Variants in UXS1 observed in about 807,000 individuals in gnomAD.
UXS1 encodes UDP-glucuronate decarboxylase 1.
In UXS1, 33 loss-of-function variants were observed where a neutral mutation model predicts 62.6. The ratio of observed to expected loss-of-function variants is 0.53; its 90% CI spans 0.40 to 0.70. The LOEUF is 0.70. Ranked by LOEUF, UXS1 falls within the 30% of genes least tolerant of loss-of-function variation. The pLI is 0.00. For missense variants in UXS1, 434 were observed against 556.3 expected (o/e 0.78, Z 2.21); for synonymous variants, 213 against 206.8 (o/e 1.03, Z -0.26).
intron 7 of UXS1, among the ~76,000 whole-genome samples, chr2:106,129,398 T>G (rs570241727): frequency 6.6e-6 from 1 of 152,194 alleles, no homozygotes; most frequent in African/African-American, 2.4e-5. Flanking sequence ...GAAGCGCCTG[T>G]GGTCACTCCC....
chr2:106,162,893 T>C (rs1226153117), intron 4 of UXS1, among the ~76,000 whole-genome samples: 3 of 152,250 alleles, frequency 2.0e-5, no homozygotes, highest in Non-Finnish European at 4.4e-5. Context: ...ATTTTTGTTC[T>C]GGACTTGATA....
chr2:106,147,977 C>T (rs894892646), intron 5 of UXS1, among the ~76,000 whole-genome samples: 46 of 152,196 alleles, frequency 3.0e-4, no homozygotes, highest in African/African-American at 1.1e-3. Context: ...ACCAGGCATC[C>T]TCATGCTCGA....
At chr2:106,184,210 A>G (rs920177382) in intron 1 of UXS1, among the ~76,000 whole-genome samples, 2 of 152,222 alleles carry the variant, frequency 1.3e-5, no homozygotes, top group African/African-American at 2.4e-5. Flanking sequence ...ATAAAAGTAT[A>G]AAAAGAAAAA....
chr2:106,164,710 G>A (rs1573547238), intron 3 of UXS1, 26 bp downstream of exon 3: 2 of 1,502,968 alleles, frequency 1.3e-6, no homozygotes, highest in African/African-American at 1.4e-5. Flanking sequence ...AGATGAAATA[G>A]ATACAAAAAT....
intron 6 of UXS1, among the ~76,000 whole-genome samples, chr2:106,141,999 T>G (rs907120508): frequency 6.6e-6 from 1 of 151,842 alleles, no homozygotes; most frequent in African/African-American, 2.4e-5. Context: ...GCCTCCTGAA[T>G]AGCTGCGACC....
At chr2:106,155,727 A>C (rs1444426828) in intron 5 of UXS1, among the ~76,000 whole-genome samples, 1 of 152,184 alleles carries the variant, frequency 6.6e-6, no homozygotes, top group African/African-American at 2.4e-5. Context: ...CATTTCTCAG[A>C]ATGTATCCCC....
intron 1 of UXS1, among the ~76,000 whole-genome samples, chr2:106,168,068 G>A (rs935432138): frequency 2.0e-5 from 3 of 152,212 alleles, no homozygotes; most frequent in Non-Finnish European, 4.4e-5. Flanking sequence ...GGCTGAGGCA[G>A]GAGAATCACT....
At chr2:106,096,248 A>T (rs1677081730) in intron 14 of UXS1, among the ~76,000 whole-genome samples, 1 of 151,998 alleles carries the variant, frequency 6.6e-6, no homozygotes, top group African/African-American at 2.4e-5. Flanking sequence ...GTGAGTGTGG[A>T]TCAGTGAGTG....
intron 4 of UXS1, chr2:106,159,273 GC>G (rs1682708647): frequency 6.6e-6 from 1 of 152,236 alleles, no homozygotes; most frequent in East Asian, 1.9e-4. Context: ...GAAGTCACAG[GC>G]CCAACGCATG....
intron 14 of UXS1, among the ~76,000 whole-genome samples, chr2:106,094,544 G>C (rs548160945): frequency 2.6e-5 from 4 of 152,320 alleles, no homozygotes; most frequent in Non-Finnish European, 5.9e-5. Flanking sequence ...AATCCACCTT[G>C]GAGTGGCGGG....
At chr2:106,096,289 T>C (rs1306589625) in intron 14 of UXS1, among the ~76,000 whole-genome samples, 1 of 152,076 alleles carries the variant, frequency 6.6e-6, no homozygotes. Context: ...AGAATGTGTA[T>C]GATAGTGTGA....
chr2:106,145,613 C>T (rs1681497514), intron 5 of UXS1: 3 of 389,406 alleles, frequency 7.7e-6, no homozygotes, highest in East Asian at 7.9e-5. Flanking sequence ...TGGAAGAATA[C>T]AGAAAAATCA....
At chr2:106,151,694 A>T (rs1048544194) in intron 5 of UXS1, among the ~76,000 whole-genome samples, 12 of 152,214 alleles carry the variant, frequency 7.9e-5, no homozygotes, top group Non-Finnish European at 1.0e-4. Context: ...ACAAAACATT[A>T]AAAAAATTAA....
At chr2:106,124,246 C>T (rs1267094862) in intron 8 of UXS1, among the ~76,000 whole-genome samples, 1 of 152,082 alleles carries the variant, frequency 6.6e-6, no homozygotes, top group Non-Finnish European at 1.5e-5. Flanking sequence ...GGCAAGCTAC[C>T]CTCCAAAAAA....
chr2:106,112,742 G>T lies in UXS1; in HGVS notation c.783C>A (p.Ala261=). 1 of 1,613,884 alleles carries T rather than the reference G, an allele frequency of 6.2e-7. No homozygotes were observed. The highest frequency in any genetic ancestry group is 8.5e-7 in the Non-Finnish European group (1 of 1,179,866). The change falls in exon 10 of 15, where the codon GCC becomes GCA. Residue 261 remains alanine, a synonymous_variant. Transcript: ENST00000283148. ...GTGGCCCAAAGGTGTTGAAGATTCT[G>T]GCCACTCGCACTTCCACGCCTTCCT... is the stretch of plus-strand genomic sequence containing the variant. ...MKQEGVEVRV[A]RIFNTFGPRM...
At chr2:106,162,949 T>TA (rs1333922666) in intron 4 of UXS1, among the ~76,000 whole-genome samples, 12 of 152,320 alleles carry the variant, frequency 7.9e-5, no homozygotes, top group African/African-American at 2.6e-4. Context: ...CTCATCCCAA[T>TA]AAGGGGAAAA....
In UXS1 at chr2:106,169,424, C is replaced by T. The variant is rs141974969; in HGVS notation, c.95-3341G>A. On this transcript the variant is annotated intron_variant, in intron 1 of 14. Transcript: ENST00000283148. ...TTAAAATGTTGATTTCAGGTTGGTG[C>T]GGTGGCTTGTGCCTGTAATCCTAAT... 3.7e-3 allele frequency among the ~76,000 whole-genome samples: 559 copies of T among 152,196 alleles called. 4 individuals carry two copies. The highest frequency in any genetic ancestry group is 0.012 in the African/African-American group (513 of 41,530).
chr2:106,099,594 T>C (rs1357408418), intron 12 of UXS1, among the ~76,000 whole-genome samples: 1 of 152,170 alleles, frequency 6.6e-6, no homozygotes, highest in Non-Finnish European at 1.5e-5. Context: ...AGACACACGA[T>C]TCCAATTTTA....
chr2:106,129,943 TAAAC>T (rs1042798896), intron 6 of UXS1, among the ~76,000 whole-genome samples, 165 bp from the exon 7 acceptor site: 2 of 152,220 alleles, frequency 1.3e-5, no homozygotes, highest in Admixed American at 6.5e-5. Context: ...AGGAAAATGT[TAAAC>T]AAAAATAGAA....
Sources: gnomAD v4.1 joint callset for allele counts (sites outside exome capture counted in the v4.1 genomes callset) on GRCh38, gnomAD v4.1.1 for gene constraint, MANE v1.5 for transcripts, NCBI Gene and HGNC (gene_info 2026-07-23, HGNC 2026-07-21) for gene names.